The following PIKFYVE variants were observed in gnomAD, a reference collection of about 807,000 sequenced individuals.
The protein encoded by PIKFYVE is phosphoinositide kinase, FYVE-type zinc finger containing.
PIKFYVE carries 122 observed loss-of-function variants against 257.9 expected under a neutral mutation model. The observed-to-expected ratio is 0.47, with a 90% CI of 0.41 to 0.55. The LOEUF is 0.55. Among genes scored for constraint, PIKFYVE ranks in the 20% least tolerant of loss-of-function variants. The pLI, the probability that PIKFYVE is intolerant of heterozygous loss-of-function variation, is 0.00. For missense variants in PIKFYVE, 2,160 were observed against 2,536.6 expected, an observed-to-expected ratio of 0.85 and a Z score of 3.19; for synonymous variants, 892 against 868.9, an observed-to-expected ratio of 1.03 and a Z score of -0.47.
chr2:208,335,824 A>G lies in PIKFYVE; in HGVS notation c.4288A>G (p.Arg1430Gly), dbSNP rs772209280. 17 of 1,613,156 alleles carry G rather than the reference A, an allele frequency of 1.1e-5. No homozygotes were observed. Among genetic ancestry groups the G allele is most frequent in the Non-Finnish European group, 1.4e-5 (17 of 1,179,346 alleles). The stretch of plus-strand genomic sequence containing the variant: ...ACAGGTATATGTTGCCATTGATGAA[A>G]GACTTGCATCTTTGAAAACTGATAC... Reference protein sequence around the residue: ...VSQVYVAIDERLASLKTDTFS... With the variant: ...VSQVYVAIDEGLASLKTDTFS... The change falls in exon 26 of 42, where the codon AGA becomes GGA. Residue 1430 changes from arginine to glycine, a missense_variant. Coordinates refer to ENST00000264380, the MANE Select transcript of PIKFYVE (RefSeq NM_015040.4).
At chr2:208,324,333 A>G in intron 18 of PIKFYVE, 51 bp downstream of exon 18, 2 of 1,571,152 alleles carry the variant, frequency 1.3e-6, no homozygotes, top group Non-Finnish European at 1.8e-6. Context: ...CAGCTTTTAA[A>G]TTTATATGCA....
At chr2:208,321,327 G>A (rs1225497169) in intron 17 of PIKFYVE, among the ~76,000 whole-genome samples, 1 of 152,032 alleles carries the variant, frequency 6.6e-6, no homozygotes, top group African/African-American at 2.4e-5. Context: ...TTTTTTTCAA[G>A]AGTGGTAGGA....
intron 36 of PIKFYVE, among the ~76,000 whole-genome samples, chr2:208,350,305 G>C (rs990448948): frequency 6.6e-6 from 1 of 152,020 alleles, no homozygotes; most frequent in Non-Finnish European, 1.5e-5. Context: ...TGTAAATTAT[G>C]CTCTTATTTC....
chr2:208,312,264 A>C lies in PIKFYVE; in HGVS notation c.1665A>C (p.Gln555His). ...ATTTGATTTCTGACACTGGAGGACAACAGCTCTCAATAAGTGACGCTTTCA... is the reference window on the plus strand; with the variant it reads ...ATTTGATTTCTGACACTGGAGGACACCAGCTCTCAATAAGTGACGCTTTCA... ...KEYLISDTGG[Q>H]QLSISDAFIK... The change falls in exon 13 of 42, where the codon CAA (glutamine) becomes CAC (histidine). Residue 555 changes from glutamine to histidine, a missense_variant. By Grantham distance (24) the Gln-to-His change is conservative. Transcript: ENST00000264380. 1 of 1,611,908 alleles carries C rather than the reference A, an allele frequency of 6.2e-7. No individual in the cohort carries two copies. Among genetic ancestry groups the C allele is most frequent in the Non-Finnish European group, 8.5e-7 (1 of 1,178,676 alleles).
At chr2:208,266,663 T>A (rs1204327488) in intron 1 of PIKFYVE, among the ~76,000 whole-genome samples, 2 of 152,202 alleles carry the variant, frequency 1.3e-5, no homozygotes, top group Non-Finnish European at 2.9e-5. Context: ...CCTTGAGATT[T>A]CCTTGGAAAC....
chr2:208,305,188 T>C, intron 12 of PIKFYVE, 175 bp downstream of exon 12: 2 of 1,507,048 alleles, frequency 1.3e-6, no homozygotes, highest in Admixed American at 2.1e-5. Flanking sequence ...CCTTTTTTGG[T>C]TGATTCCTTT....
At chr2:208,288,521 A>G (rs1027884172) in intron 6 of PIKFYVE, among the ~76,000 whole-genome samples, 2 of 152,196 alleles carry the variant, frequency 1.3e-5, no homozygotes, top group Non-Finnish European at 2.9e-5. Flanking sequence ...TAAAATTGTC[A>G]TTTCGGCATT....
chr2:208,300,863 A>G, intron 8 of PIKFYVE, 74 bp from the exon 9 acceptor site: 1 of 1,587,250 alleles, frequency 6.3e-7, no homozygotes, highest in South Asian at 1.1e-5. Flanking sequence ...GAGTCTAAAA[A>G]TCACAGGAAA....
chr2:208,271,855 A>G (rs1023822900), intron 2 of PIKFYVE, among the ~76,000 whole-genome samples, 164 bp downstream of exon 2: 1 of 152,204 alleles, frequency 6.6e-6, no homozygotes, highest in African/African-American at 2.4e-5. Context: ...CTTTAATCGT[A>G]GGTCTCCAGG....
At chr2:208,304,390 G>A (rs888914511) in intron 11 of PIKFYVE, 72 bp downstream of exon 11, 14 of 1,545,942 alleles carry the variant, frequency 9.1e-6, no homozygotes, top group Non-Finnish European at 1.1e-5. Context: ...TGATTATCTT[G>A]TTTGTTGAAA....
Position 208,345,166 on chromosome 2 carries a change from A to C in PIKFYVE, c.5083A>C (p.Ser1695Arg). ...EELSKATQWN[S>R]AEEGLPTNST... is the part of the protein sequence containing the mutation. Reference sequence around the variant, plus strand: ...ATTGTCTAAAGCGACTCAGTGGAACAGTGCCGAAGAAGGGCTTCCAACAAA... The same window carrying C: ...ATTGTCTAAAGCGACTCAGTGGAACCGTGCCGAAGAAGGGCTTCCAACAAA... The change falls in exon 33 of 42, where the codon AGT becomes CGT. Residue 1695 changes from serine (S) to arginine (R), a missense_variant. Physicochemically the swap from Ser to Arg is moderately radical, Grantham distance 110 (BLOSUM62 -1). Around this residue, in one of 12 missense-constraint regions of PIKFYVE, gnomAD observed 699 missense variants for 855.8 expected, o/e 0.82. Coordinates refer to ENST00000264380, the MANE Select transcript of PIKFYVE (RefSeq NM_015040.4). 1 of 1,612,828 alleles carries C rather than the reference A, an allele frequency of 6.2e-7. No individual in the cohort carries two copies. The highest frequency in any genetic ancestry group is 8.5e-7 in the Non-Finnish European group (1 of 1,178,918).
At chr2:208,315,126 TATC>T in intron 14 of PIKFYVE, 64 bp from the exon 15 acceptor site, 3 of 1,400,234 alleles carry the variant, frequency 2.1e-6, no homozygotes, top group Middle Eastern at 2.0e-4. Flanking sequence ...CTGTTTGTTT[TATC>T]ATCAGAATTA....
intron 35 of PIKFYVE, among the ~76,000 whole-genome samples, chr2:208,349,371 T>C (rs1440806097): frequency 1.3e-5 from 2 of 151,876 alleles, no homozygotes; most frequent in East Asian, 1.9e-4. Flanking sequence ...TCTCTAATAA[T>C]TAAACAGAAA....
chr2:208,295,934 A>T (rs1046746872), intron 7 of PIKFYVE, among the ~76,000 whole-genome samples: 6 of 152,160 alleles, frequency 3.9e-5, no homozygotes, highest in African/African-American at 1.4e-4. Context: ...TTGCTTTTAC[A>T]CTTATTAGTT....
In PIKFYVE at chr2:208,310,339, G is replaced by A. The variant is rs1419370387; in HGVS notation, c.1637-1897G>A. On this transcript the variant is annotated intron_variant, in intron 12 of 41. Coordinates refer to ENST00000264380, the MANE Select transcript of PIKFYVE (RefSeq NM_015040.4). ...TTGTCCTATATTGTTTCAGGCTGAGGAAAATTGGATTTATAAAATTGGTTG... is the reference window on the plus strand; with the variant it reads ...TTGTCCTATATTGTTTCAGGCTGAGAAAAATTGGATTTATAAAATTGGTTG... Among the ~76,000 whole-genome samples, 5 of 152,098 alleles carry A rather than the reference G, an allele frequency of 3.3e-5. No individual in the cohort carries two copies. The East Asian group carries it at 9.6e-4, about 29-fold the overall frequency.
At chr2:208,329,761 G>C in intron 21 of PIKFYVE, 81 bp from the exon 22 acceptor site, 1 of 1,568,580 alleles carries the variant, frequency 6.4e-7, no homozygotes, top group Non-Finnish European at 8.7e-7. Flanking sequence ...ACATTTAATA[G>C]GTAATCATAA....
Position 208,324,324 on chromosome 2 carries a change from A to C in PIKFYVE, c.2331+42A>C, listed in dbSNP as rs368914248. 3 of 1,597,840 alleles carry C rather than the reference A, an allele frequency of 1.9e-6. No individual in the cohort carries two copies. In the African/African-American group the frequency reaches 4.0e-5, roughly 21 times the overall value. On this transcript the variant is annotated intron_variant, in intron 18 of 41. Transcript: ENST00000264380. ...TTCTATTGTATTTTAAAAAAATCAC[A>C]GCTTTTAAATTTATATGCACGTATG...
intron 27 of PIKFYVE, 86 bp from the exon 28 acceptor site, chr2:208,336,752 A>T: frequency 1.2e-6 from 1 of 847,638 alleles, no homozygotes; most frequent in South Asian, 1.5e-5. Context: ...TTGTGATTTC[A>T]AAGTTGTAAA....
At chr2:208,323,341 A>G (rs1384249695) in intron 17 of PIKFYVE, among the ~76,000 whole-genome samples, 2 of 127,466 alleles carry the variant, frequency 1.6e-5, no homozygotes, top group Admixed American at 1.0e-4. Flanking sequence ...ATTCCCATGT[A>G]TGAGTGAGAA....
Sources: allele counts gnomAD v4.1 joint callset (sites outside exome capture counted in the v4.1 genomes callset), GRCh38; gene constraint gnomAD v4.1.1; regional missense constraint gnomAD v4.1.1; transcripts MANE v1.5; gene names NCBI Gene and HGNC (gene_info 2026-07-23, HGNC 2026-07-21).